Variants in TRIM2 observed in about 807,000 individuals in gnomAD.
TRIM2 encodes the protein tripartite motif containing 2.
Under a neutral mutation model 75.2 loss-of-function variants are expected in TRIM2, and 20 were observed. The ratio of observed to expected loss-of-function variants is 0.27; its 90% CI spans 0.19 to 0.39. The LOEUF (loss-of-function observed/expected upper bound fraction) is 0.39, where lower values mean the gene tolerates loss of function less well. TRIM2 is among the 10% of genes least tolerant of loss of function. The pLI is 1.00. For missense variants in TRIM2, 660 were observed against 990.8 expected, an observed-to-expected ratio of 0.67 and a Z score of 4.48; for synonymous variants, 373 against 388.3, an observed-to-expected ratio of 0.96 and a Z score of 0.46.
At position 153,273,845 on chromosome 4, in the gene TRIM2, G is replaced by A. The variant is rs370561376; in HGVS notation, c.216-2048G>A. Among the ~76,000 whole-genome samples, 15 of 152,294 alleles carry A rather than the reference G, an allele frequency of 9.8e-5. No homozygotes were observed. The South Asian group carries it at 2.5e-3, about 25-fold the overall frequency. On this transcript the variant is annotated intron_variant, in intron 2 of 11. Coordinates refer to ENST00000338700, the MANE Select transcript of TRIM2 (RefSeq NM_015271.5). ...GCTTCCTTGCAGAAGTGATGATTAC[G>A]CAGAAACCCCAATGATGAGTAAAAA...
chr4:153,256,920 T>G (rs2149958798), intron 1 of TRIM2, among the ~76,000 whole-genome samples: 1 of 152,286 alleles, frequency 6.6e-6, no homozygotes, highest in East Asian at 1.9e-4. Context: ...TTTGTTTGTT[T>G]GTTTGTTTTT....
chr4:153,190,558 G>T (rs1008117892), intron 1 of TRIM2, among the ~76,000 whole-genome samples: 1 of 152,008 alleles, frequency 6.6e-6, no homozygotes, highest in South Asian at 2.1e-4. Context: ...TATGGGGCCC[G>T]ACTCCAGAAT....
intron 3 of TRIM2, among the ~76,000 whole-genome samples, chr4:153,283,810 G>C (rs2150095734): frequency 1.6e-5 from 2 of 125,962 alleles, no homozygotes; most frequent in South Asian, 5.4e-4. Context: ...TGAATTTTTT[G>C]TATTTTTAGT....
intron 6 of TRIM2, among the ~76,000 whole-genome samples, chr4:153,307,632 G>T (rs1202509044): frequency 6.6e-6 from 1 of 152,108 alleles, no homozygotes; most frequent in African/African-American, 2.4e-5. Context: ...CTAAAATGAG[G>T]TTGGGGGCAA....
rs1328192784 is a variant in TRIM2, at chr4:153,248,480, G to A, written c.31-21855G>A. Among the ~76,000 whole-genome samples, 2 of 152,194 alleles carry A rather than the reference G, an allele frequency of 1.3e-5. No homozygotes were observed. The highest frequency in any genetic ancestry group is 4.8e-5 in the African/African-American group (2 of 41,442). On this transcript the variant is annotated intron_variant, in intron 1 of 11. Coordinates refer to ENST00000338700, the MANE Select transcript of TRIM2 (RefSeq NM_015271.5). This position sits in a 1 kb window ranked among gnomAD's most constrained non-coding sequence, Gnocchi z 4.0. ...ATCCAAACCCATTCTTGGCTCTAGA[G>A]CCCATCCTCTTCTCCACTACCGCAC...
At chr4:153,216,864 A>G (rs1738619687) in intron 1 of TRIM2, among the ~76,000 whole-genome samples, 1 of 152,220 alleles carries the variant, frequency 6.6e-6, no homozygotes, top group South Asian at 2.1e-4. Context: ...GGGAGCCCTC[A>G]TGATCTAAAC....
At chr4:153,266,652 T>TG (rs1255840613) in intron 1 of TRIM2, among the ~76,000 whole-genome samples, 2 of 150,010 alleles carry the variant, frequency 1.3e-5, no homozygotes, top group Admixed American at 1.3e-4. Flanking sequence ...TTTTTTTTTT[T>TG]TTTTGTATTT....
At chr4:153,202,187 C>A (rs187079399), upstream of TRIM2, among the ~76,000 whole-genome samples, 1 of 152,108 alleles carries the variant, frequency 6.6e-6, no homozygotes, top group South Asian at 2.1e-4. Flanking sequence ...AAAAAGTTTG[C>A]GGAAAATAAA....
At position 153,212,785 on chromosome 4, in the gene TRIM2, C is replaced by T. The variant is rs368362282; in HGVS notation, c.30+8225C>T. Among the ~76,000 whole-genome samples, 4 of 152,284 alleles carry T rather than the reference C, an allele frequency of 2.6e-5. No individual in the cohort carries two copies. The East Asian group carries it at 7.7e-4, about 29-fold the overall frequency. ...TTGGTGGGTGGTTTTGTTTGGGGGC[C>T]TGTCTTCTTTATTCCCTTTTCTTTT... On this transcript the variant is annotated intron_variant, in intron 1 of 11. Coordinates refer to ENST00000338700, the MANE Select transcript of TRIM2 (RefSeq NM_015271.5).
intron 1 of TRIM2, among the ~76,000 whole-genome samples, chr4:153,185,439 G>C (rs1008555572): frequency 1.3e-5 from 2 of 151,982 alleles, no homozygotes; most frequent in Non-Finnish European, 2.9e-5. Flanking sequence ...GCAGAGGCTT[G>C]ATCATACTCT....
chr4:153,175,391 A>G (rs1490438722), intron 1 of TRIM2, among the ~76,000 whole-genome samples: 5 of 151,988 alleles, frequency 3.3e-5, no homozygotes, highest in Non-Finnish European at 7.4e-5. Context: ...GCACAGCCGG[A>G]TATTCCCTAT....
chr4:153,300,894 A>C (rs952016882), intron 6 of TRIM2, among the ~76,000 whole-genome samples: 1 of 151,198 alleles, frequency 6.6e-6, no homozygotes, highest in Non-Finnish European at 1.5e-5. Context: ...TTTTTATTTT[A>C]AAAATAGACA....
intron 1 of TRIM2, among the ~76,000 whole-genome samples, chr4:153,163,766 T>G (rs1268423019): frequency 3.3e-5 from 5 of 151,796 alleles, no homozygotes; most frequent in African/African-American, 9.7e-5. Context: ...CCTCCCAGAC[T>G]GTTGGGATTA....
intron 6 of TRIM2, among the ~76,000 whole-genome samples, chr4:153,303,757 C>A (rs377631642): frequency 2.0e-5 from 3 of 152,316 alleles, no homozygotes; most frequent in African/African-American, 7.2e-5. Context: ...GTTTATACAA[C>A]AACCCTAAAT....
chr4:153,156,523 G>C (rs1232795238), intron 1 of TRIM2, among the ~76,000 whole-genome samples: 1 of 152,148 alleles, frequency 6.6e-6, no homozygotes, highest in Non-Finnish European at 1.5e-5. Flanking sequence ...GATGTAGATG[G>C]GGTGAGTGGG....
intron 1 of TRIM2, chr4:153,265,681 C>T (rs929003345): frequency 1.3e-4 from 20 of 152,166 alleles, no homozygotes; most frequent in African/African-American, 4.8e-4. Context: ...GAACACTTCA[C>T]AATTTGCATG....
intron 6 of TRIM2, chr4:153,309,540 A>G (rs1013867645): frequency 3.9e-5 from 6 of 151,968 alleles, no homozygotes; most frequent in Non-Finnish European, 8.8e-5. Context: ...CACCTACTTG[A>G]TTGAAGATCC....
At chr4:153,153,848 C>T (rs911459576) in intron 1 of TRIM2, among the ~76,000 whole-genome samples, 1 of 152,198 alleles carries the variant, frequency 6.6e-6, no homozygotes, top group African/African-American at 2.4e-5. Flanking sequence ...GCCCTGCAGG[C>T]CTCAGTCTCT....
At chr4:153,224,590 G>T (rs1479698196) in intron 1 of TRIM2, among the ~76,000 whole-genome samples, 2 of 152,124 alleles carry the variant, frequency 1.3e-5, no homozygotes, top group African/African-American at 2.4e-5. Context: ...CACTGACAAG[G>T]TTTGTTTAGA....
Sources: allele counts gnomAD v4.1 joint callset (sites outside exome capture counted in the v4.1 genomes callset), GRCh38; gene constraint gnomAD v4.1.1; non-coding constraint Gnocchi (gnomAD v3.1); transcripts MANE v1.5; gene names NCBI Gene and HGNC (gene_info 2026-07-23, HGNC 2026-07-21).